Variants in CCDC110 observed in about 807,000 individuals in gnomAD.
CCDC110 encodes the protein coiled-coil domain-containing protein 110.
In CCDC110, 70 loss-of-function variants were observed where a neutral mutation model predicts 77.1. That is an observed-to-expected ratio of 0.91 (90% CI 0.75 to 1.11). CCDC110 has a LOEUF of 1.11. Ranked by LOEUF, CCDC110 falls within the 50% of genes least tolerant of loss-of-function variation. The pLI, the probability that CCDC110 is intolerant of heterozygous loss-of-function variation, is 0.00. For missense variants in CCDC110, 868 were observed against 942.9 expected, an observed-to-expected ratio of 0.92 and a Z score of 1.04; for synonymous variants, 295 against 312.5, an observed-to-expected ratio of 0.94 and a Z score of 0.59.
At chr4:185,447,285 C>G (rs1187170451) in intron 6 of CCDC110, among the ~76,000 whole-genome samples, 4 of 151,884 alleles carry the variant, frequency 2.6e-5, no homozygotes, top group Non-Finnish European at 5.9e-5. Flanking sequence ...GGGTTCACGC[C>G]ATTCTCCTGC....
chr4:185,467,465 CA>C (rs757726298), intron 2 of CCDC110, among the ~76,000 whole-genome samples: 4 of 152,104 alleles, frequency 2.6e-5, no homozygotes, highest in Non-Finnish European at 5.9e-5. Context: ...CACACTTCAC[CA>C]TTTACCAAGT....
intron 2 of CCDC110, among the ~76,000 whole-genome samples, chr4:185,463,479 A>G (rs2095650095): frequency 6.6e-6 from 1 of 152,192 alleles, no homozygotes; most frequent in African/African-American, 2.4e-5. Context: ...CAACAGCATA[A>G]TTTTTGTCCT....
intron 6 of CCDC110, among the ~76,000 whole-genome samples, chr4:185,454,801 C>T (rs1230640689): frequency 6.6e-6 from 1 of 152,130 alleles, no homozygotes; most frequent in Non-Finnish European, 1.5e-5. Flanking sequence ...CTCATTCTGT[C>T]ACCCAGGCTG....
Position 185,471,674 on chromosome 4 carries a change from C to A in CCDC110, c.10G>T (p.Glu4Ter). The change falls in exon 1 of 7, where the codon GAA becomes TAA. Residue 4 changes from glutamate to a stop codon, truncating the protein, a stop_gained and splice_region_variant. Coordinates refer to ENST00000307588, the MANE Select transcript of CCDC110 (RefSeq NM_152775.4). LOFTEE classifies it high-confidence loss of function. The stretch of plus-strand genomic sequence containing the variant: ...GAGCCCCGCCCCGTCCAACTCTTAC[C>A]CGGGCTCATCGCCGCGGCTCATCTC... MSP[E>*]KQHREEDEVD... The A allele has an allele frequency of 1.3e-6, 2 of 1,556,204 alleles. No individual in the cohort carries two copies. Among genetic ancestry groups the A allele is most frequent in the Non-Finnish European group, 1.7e-6 (2 of 1,155,508 alleles).
intron 6 of CCDC110, among the ~76,000 whole-genome samples, chr4:185,450,735 C>G (rs2095627676): frequency 2.5e-5 from 2 of 78,974 alleles, no homozygotes; most frequent in Admixed American, 3.2e-4. Flanking sequence ...CAGAGTGAGA[C>G]TCTGTCTAAA....
Position 185,458,371 on chromosome 4 carries a change from A to G in CCDC110, c.2216T>C (p.Leu739Pro). 1 of 1,587,272 alleles carries G rather than the reference A, an allele frequency of 6.3e-7. No homozygotes were observed. Among genetic ancestry groups the G allele is most frequent in the Non-Finnish European group, 8.6e-7 (1 of 1,168,638 alleles). ...TTCTAAAAGTATTTTGTCTTCAGTA[A>G]GTCTACTGATGCTGTTTTCAAATTT... is the stretch of plus-strand genomic sequence containing the variant. ...NIKFENSISR[L>P]TEDKILLENY... The change falls in exon 6 of 7, where the codon CTT becomes CCT. Residue 739 changes from leucine (L) to proline (P), a missense_variant. By Grantham distance (98) the Leu-to-Pro change is moderately conservative. Transcript: ENST00000307588.
intron 6 of CCDC110, among the ~76,000 whole-genome samples, chr4:185,454,316 G>A (rs2095633117): frequency 6.6e-6 from 1 of 152,130 alleles, no homozygotes; most frequent in Non-Finnish European, 1.5e-5. Context: ...TAAGCCTATG[G>A]GAGATAGCTA....
rs1033592210 is a variant in CCDC110, at chr4:185,462,671, C to T, written c.209G>A (p.Arg70Gln). The part of the protein sequence containing the change: ...QQQLESFQAL[R>Q]MQTLQNVSMV... The stretch of plus-strand genomic sequence containing the variant: ...GCTGACATTCTGCAAAGTCTGCATT[C>T]GCAAAGCCTGAAATGATTCCAACTG... The change falls in exon 4 of 7, where the codon CGA becomes CAA. Residue 70 changes from arginine (R) to glutamine (Q), a missense_variant. Physicochemically the swap from Arg to Gln is conservative, Grantham distance 43 (BLOSUM62 1). Coordinates refer to ENST00000307588, the MANE Select transcript of CCDC110 (RefSeq NM_152775.4). 1.7e-5 allele frequency: 27 copies of T among 1,613,914 alleles called. No homozygotes were observed. Among genetic ancestry groups the T allele is most frequent in the Admixed American group, 5.0e-5 (3 of 60,022 alleles).
At chr4:185,457,681 G>A in intron 6 of CCDC110, 1 of 823,116 alleles carries the variant, frequency 1.2e-6, no homozygotes, top group Non-Finnish European at 1.7e-6. Context: ...TCAATTACCA[G>A]GTTAATGTAA....
At chr4:185,452,345 G>C (rs1039695369) in intron 6 of CCDC110, 3 of 985,284 alleles carry the variant, frequency 3.0e-6, no homozygotes, top group East Asian at 1.1e-4. Context: ...GCTACAAACT[G>C]TCTGCTTACA....
intron 2 of CCDC110, among the ~76,000 whole-genome samples, chr4:185,464,150 A>G (rs774583988): frequency 3.9e-5 from 6 of 152,200 alleles, no homozygotes; most frequent in Non-Finnish European, 8.8e-5. Flanking sequence ...GAGAGCTATG[A>G]TGGAACGTTC....
At chr4:185,445,631 A>G in intron 6 of CCDC110, 89 bp from the exon 7 acceptor site, 1 of 833,314 alleles carries the variant, frequency 1.2e-6, no homozygotes, top group Non-Finnish European at 1.9e-6. Flanking sequence ...GGTATCTTAA[A>G]ACTTCAATTT....
chr4:185,458,038 G>T, intron 6 of CCDC110, 88 bp downstream of exon 6: 1 of 896,138 alleles, frequency 1.1e-6, no homozygotes, highest in Non-Finnish European at 1.6e-6. Flanking sequence ...TCATTTTAAA[G>T]TTTCCTCCTT....
Position 185,458,976 on chromosome 4 carries a change from T to C in CCDC110, c.1611A>G (p.Gln537=). 1.2e-6 allele frequency: 2 copies of C among 1,606,722 alleles called. No homozygotes were observed. The highest frequency in any genetic ancestry group is 1.7e-4 in the Middle Eastern group (1 of 5,940). The change falls in exon 6 of 7, where the codon CAA becomes CAG. Residue 537 remains glutamine, a synonymous_variant. Coordinates refer to ENST00000307588, the MANE Select transcript of CCDC110 (RefSeq NM_152775.4). Reference sequence around the variant, plus strand: ...GTTGATCTAATGCTTCCATCATTTGTTGCTTCTCTAAAGAAAGTTGTATAT... The same window carrying C: ...GTTGATCTAATGCTTCCATCATTTGCTGCTTCTCTAAAGAAAGTTGTATAT... The part of the protein sequence containing the change: ...EKNIQLSLEK[Q]QMMEALDQLK...
chr4:185,452,888 CAAAAAAAAAAAAA>C (rs70962569), intron 6 of CCDC110, among the ~76,000 whole-genome samples: 2 of 67,286 alleles, frequency 3.0e-5, no homozygotes, highest in Non-Finnish European at 5.8e-5. Context: ...GAGTGAGACT[CAAAAAAAAAAAAA>C]AAAAAAAAAA....
chr4:185,455,421 C>CA (rs1224727857), intron 6 of CCDC110, among the ~76,000 whole-genome samples: 1 of 151,770 alleles, frequency 6.6e-6, no homozygotes, highest in African/African-American at 2.4e-5. Context: ...TAAAAGGATG[C>CA]AAAAAGATAT....
In CCDC110 at chr4:185,459,845, T is replaced by G; in HGVS notation, c.742A>C (p.Met248Leu). The change falls in exon 6 of 7, where the codon ATG becomes CTG. Residue 248 changes from methionine to leucine, a missense_variant. Coordinates refer to ENST00000307588, the MANE Select transcript of CCDC110 (RefSeq NM_152775.4). ...LDDICHSIKQ[M>L]KEELQKSHDG... is the part of the protein sequence containing the mutation. ...TGTGACTTTTGAAGCTCTTCTTTCA[T>G]TTGTTTGATAGAATGGCAAATGTCA... The G allele has an allele frequency of 6.2e-7, 1 of 1,613,302 alleles. No individual in the cohort carries two copies. Among genetic ancestry groups the G allele is most frequent in the Non-Finnish European group, 8.5e-7 (1 of 1,179,786 alleles).
In CCDC110 at chr4:185,448,024, T is replaced by G. The variant is rs73012154; in HGVS notation, c.2462-2482A>C. On this transcript the variant is annotated intron_variant, in intron 6 of 6. Transcript: ENST00000307588. Reference sequence around the variant, plus strand: ...CAGGTTTTGGAAATACGTTTTGTCTTTTTTTCCTTTTTTGAGATGGAGTTT... The same window carrying G: ...CAGGTTTTGGAAATACGTTTTGTCTGTTTTTCCTTTTTTGAGATGGAGTTT... 8.5e-3 allele frequency among the ~76,000 whole-genome samples: 1,294 copies of G among 152,234 alleles called. 16 individuals are homozygous for G. The highest frequency in any genetic ancestry group is 0.03 in the African/African-American group (1,240 of 41,518).
At chr4:185,466,238 G>A (rs1373425499) in intron 2 of CCDC110, among the ~76,000 whole-genome samples, 2 of 152,082 alleles carry the variant, frequency 1.3e-5, no homozygotes, top group Admixed American at 6.5e-5. Context: ...TGCTGGGTGT[G>A]GTGGCATGTG....
Sources: allele counts gnomAD v4.1 joint callset (sites outside exome capture counted in the v4.1 genomes callset), GRCh38; gene constraint gnomAD v4.1.1; transcripts MANE v1.5; gene names NCBI Gene and HGNC (gene_info 2026-07-23, HGNC 2026-07-21).